Variants in LRRC37B observed in about 807,000 individuals in gnomAD.
LRRC37B encodes the protein leucine rich repeat containing 37B, also known as leucine-rich repeat-containing protein 37B.
In LRRC37B, 28 loss-of-function variants were observed where a neutral mutation model predicts 98.3. That is an observed-to-expected ratio of 0.28 (90% confidence interval 0.21 to 0.39). The LOEUF (loss-of-function observed/expected upper bound fraction) is 0.39. Ranked by LOEUF, LRRC37B falls within the 10% of genes least tolerant of loss-of-function variation. The pLI is 1.00. For synonymous variants in LRRC37B, 364 were observed against 442.7 expected (o/e 0.82, Z 2.23); for missense variants, 938 against 1,182.7 (o/e 0.79, Z 3.03).
upstream of LRRC37B, chr17:32,007,835 G>A (rs1391482425): frequency 3.4e-6 from 4 of 1,172,152 alleles, no homozygotes; most frequent in African/African-American, 3.2e-5. This position sits in a 1 kb window ranked among gnomAD's most constrained non-coding sequence, Gnocchi z 4.1. Flanking sequence ...AGCCACCGCC[G>A]CCGGCCCGCC....
intron 6 of LRRC37B, 113 bp downstream of exon 9, chr17:32,035,094 T>A: frequency 2.6e-6 from 2 of 783,222 alleles, no homozygotes; most frequent in Non-Finnish European, 4.0e-6. Context: ...AAATTTTAAC[T>A]GAGTTATTGA....
At chr17:32,016,647 C>T (rs1177283047), upstream of LRRC37B, among the ~76,000 whole-genome samples, 1 of 152,182 alleles carries the variant, frequency 6.6e-6, no homozygotes, top group Non-Finnish European at 1.5e-5. Context: ...TGAGCTTCAC[C>T]TGGGATTCTG....
chr17:32,030,969 A>G (rs1406026183), intron 4 of LRRC37B, among the ~76,000 whole-genome samples: 1 of 152,198 alleles, frequency 6.6e-6, no homozygotes, highest in Non-Finnish European at 1.5e-5. Flanking sequence ...GACATTTGGT[A>G]ATGTCCAGAG....
At chr17:32,053,298 C>T (rs1911808448) in exon 12 of LRRC37B, 1 of 1,610,610 alleles carries the variant, frequency 6.2e-7, no homozygotes. Context: ...CAGAAAAATA[C>T]AAAGACAACC....
In LRRC37B at chr17:32,014,582, A is replaced by G. The variant is rs531050681; in HGVS notation, c.-190-3390A>G. Among the ~76,000 whole-genome samples the G allele has an allele frequency of 1.2e-4, 18 of 152,364 alleles. No individual in the cohort carries two copies. In the South Asian group the frequency reaches 3.5e-3, roughly 30 times the overall value. ...CAGAGATAAAGAAAGAGCAGCAGAAATGGTATCTGGGAAAATTTTAAAACA... is the reference window on the plus strand; with the variant it reads ...CAGAGATAAAGAAAGAGCAGCAGAAGTGGTATCTGGGAAAATTTTAAAACA... On this transcript the variant is annotated intron_variant, in intron 1 of 14. Coordinates refer to the LRRC37B transcript ENST00000543378.
intron 2 of LRRC37B, among the ~76,000 whole-genome samples, chr17:32,025,030 G>GTTTTTTTTTTTTTTTTTTTTTT (rs772444987): frequency 2.9e-5 from 2 of 69,918 alleles, no homozygotes; most frequent in African/African-American, 1.1e-4. Context: ...TTTTTTCCTC[G>GTTTTTTTTTTTTTTTTTTTTTT]TTTTTTTTTT....
In LRRC37B at chr17:32,041,363, G is replaced by A. The variant is rs533516351; in HGVS notation, c.2205-4337G>A. 4.1e-5 allele frequency: 31 copies of A among 754,812 alleles called. No homozygotes were observed. In the Admixed American group the frequency reaches 4.3e-4, roughly 10 times the overall value. The allele number at this position is 754,812 out of a possible 1,614,324, so 46.8% of individuals were successfully genotyped here. On this transcript the variant is annotated intron_variant, in intron 7 of 11. Transcript: ENST00000327564. ...TAGACCAGCCAAGCTGCAAGGTGCT[G>A]TATGACTTCCAGCCTGAGAACCATG...
At chr17:32,015,629 A>G (rs1472850285) in intron 1 of LRRC37B, among the ~76,000 whole-genome samples, 2 of 152,222 alleles carry the variant, frequency 1.3e-5, no homozygotes, top group African/African-American at 4.8e-5. Context: ...AATACAATAA[A>G]TGTATGGGTC....
At chr17:32,040,525 G>C (rs879793566) in intron 7 of LRRC37B, 1 of 722,174 alleles carries the variant, frequency 1.4e-6, no homozygotes, top group African/African-American at 1.7e-5. Flanking sequence ...CAAGCTGGAC[G>C]ATGACTTCAA....
intron 9 of LRRC37B, 21 bp downstream of exon 12, chr17:32,047,922 G>A (rs375961211): frequency 1.2e-6 from 2 of 1,614,148 alleles, no homozygotes; most frequent in South Asian, 2.2e-5. Flanking sequence ...AGACACCAAT[G>A]ACGAGAGTGA....
chr17:32,046,552 T>C (rs34558150), intron 8 of LRRC37B, among the ~76,000 whole-genome samples: 2,472 of 147,304 alleles, frequency 0.017, no homozygotes, highest in African/African-American at 0.053. Flanking sequence ...GCTTGGCTAC[T>C]TCTATAAAGA....
At chr17:32,007,421 TGAA>T (rs1910430948), upstream of LRRC37B, among the ~76,000 whole-genome samples, 1 of 152,096 alleles carries the variant, frequency 6.6e-6, no homozygotes, top group Non-Finnish European at 1.5e-5. This position sits in a 1 kb window ranked among gnomAD's most constrained non-coding sequence, Gnocchi z 4.1. Flanking sequence ...AGGTGGCGGT[TGAA>T]GGCGATCTTG....
chr17:32,048,045 G>T, intron 9 of LRRC37B, 144 bp downstream of exon 12: 1 of 1,398,420 alleles, frequency 7.2e-7, no homozygotes, highest in Non-Finnish European at 1.0e-6. Context: ...ACAAGATGGA[G>T]ATAGGCTCCT....
At chr17:32,020,903 A>C, upstream of LRRC37B, 1 of 1,195,930 alleles carries the variant, frequency 8.4e-7, no homozygotes, top group Non-Finnish European at 1.1e-6. Flanking sequence ...TCTGCGGCCC[A>C]AATCCTTCCT....
exon 1 of LRRC37B, chr17:32,022,230 T>A: frequency 6.2e-7 from 1 of 1,612,140 alleles, no homozygotes; most frequent in Non-Finnish European, 8.5e-7. Context: ...TGAGACAGAA[T>A]CTACCCAAGC....
intron 1 of LRRC37B, among the ~76,000 whole-genome samples, chr17:32,014,086 C>T (rs1910598014): frequency 6.6e-6 from 1 of 152,150 alleles, no homozygotes; most frequent in Non-Finnish European, 1.5e-5. Context: ...CCTACCTAGA[C>T]CTCTCTTCTA....
At chr17:32,041,102 G>T in intron 7 of LRRC37B, 1 of 766,300 alleles carries the variant, frequency 1.3e-6, no homozygotes, top group African/African-American at 1.7e-5. Context: ...ACTACCACTG[G>T]CAGGCCATGC....
rs1332738116 is a variant in LRRC37B, at chr17:32,030,734, T to A, written c.1976+7T>A. 9 of 1,381,866 alleles carry A rather than the reference T, an allele frequency of 6.5e-6. No homozygotes were observed. In the Admixed American group the frequency reaches 2.2e-4, roughly 34 times the overall value. The allele number at this position is 1,381,866 out of a possible 1,614,324, so 85.6% of individuals were successfully genotyped here. ...TACCATTTTTGCAGTATATGTAAGT[T>A]ACAAATATAACTTTATTACATTTGG... On this transcript the variant is annotated splice_region_variant and intron_variant, in intron 4 of 11. Transcript: ENST00000327564.
chr17:32,022,396 A>G, exon 1 of LRRC37B: 2 of 1,613,742 alleles, frequency 1.2e-6, no homozygotes, highest in Non-Finnish European at 1.7e-6. Context: ...GCCACAGTTC[A>G]ACCTCTGGAC....
Sources: gnomAD v4.1 joint callset for allele counts (sites outside exome capture counted in the v4.1 genomes callset) on GRCh38, gnomAD v4.1.1 for gene constraint, Gnocchi (gnomAD v3.1) non-coding constraint, MANE v1.5 for transcripts, NCBI Gene and HGNC (gene_info 2026-07-23, HGNC 2026-07-21) for gene names.